The following TRIM8 variants were observed in gnomAD, a reference collection of about 807,000 sequenced individuals.
TRIM8 encodes the protein E3 ubiquitin-protein ligase TRIM8.
TRIM8 carries 9 observed loss-of-function variants against 55.7 expected under a neutral mutation model. That is an observed-to-expected ratio of 0.16 (90% CI 0.10 to 0.28). The LOEUF (loss-of-function observed/expected upper bound fraction) is 0.28. Ranked by LOEUF, TRIM8 falls within the 10% of genes least tolerant of loss-of-function variation. The pLI is 1.00. For synonymous variants in TRIM8, 335 were observed against 333.3 expected (o/e 1.01, Z -0.06); for missense variants, 556 against 736.4 (o/e 0.76, Z 2.83).
chr10:102,647,583 C>T (rs572710262), intron 1 of TRIM8, among the ~76,000 whole-genome samples: 21 of 152,204 alleles, frequency 1.4e-4, no homozygotes, highest in African/African-American at 4.8e-4. Context: ...ACCCTCTGCA[C>T]TCTCTGTAGG....
At chr10:102,646,755 A>G (rs952753618) in intron 1 of TRIM8, among the ~76,000 whole-genome samples, 15 of 152,160 alleles carry the variant, frequency 9.9e-5, no homozygotes, top group African/African-American at 3.4e-4. Flanking sequence ...GGGCTGGGGG[A>G]GGAGGCCGGG....
intron 1 of TRIM8, among the ~76,000 whole-genome samples, chr10:102,652,929 G>A (rs2063996504): frequency 6.6e-6 from 1 of 151,686 alleles, no homozygotes; most frequent in South Asian, 2.1e-4. Flanking sequence ...TCAGCCTCCT[G>A]AGTAGTTGCG....
chr10:102,648,882 C>T (rs937159842), intron 1 of TRIM8, among the ~76,000 whole-genome samples: 27 of 152,224 alleles, frequency 1.8e-4, no homozygotes, highest in Non-Finnish European at 2.5e-4. Context: ...TGGCTTTCTC[C>T]GTTGCCCGTG....
Position 102,654,773 on chromosome 10 carries a change from C to T in TRIM8, c.666+25C>T, listed in dbSNP as rs777723250. The T allele has an allele frequency of 6.7e-5, 106 of 1,575,436 alleles. 1 individual carries two copies. The South Asian group carries it at 8.4e-4, about 13-fold the overall frequency. On this transcript the variant is annotated intron_variant, in intron 2 of 5. Transcript: ENST00000643721. Reference sequence around the variant, plus strand: ...GGTAGCTAAGCCCAAGGCCATGCTGCGGGGTGGGGGTGGCTTGAGCGCAGG... The same window carrying T: ...GGTAGCTAAGCCCAAGGCCATGCTGTGGGGTGGGGGTGGCTTGAGCGCAGG...
At position 102,658,091 on chromosome 10, in the gene TRIM8, TAAAA is replaced by T. The variant is rs893066046; in HGVS notation, c.*738_*741del. The T allele has an allele frequency of 1.3e-5, 2 of 151,694 alleles. No individual in the cohort carries two copies. Among genetic ancestry groups the T allele is most frequent in the African/African-American group, 2.4e-5 (1 of 41,298 alleles). The allele number at this position is 151,694 out of a possible 1,614,324, so 9.4% of individuals were successfully genotyped here. ...TAATATTAATAATAATAAAGAGAAA[TAAAA>T]TAATAAAATAAAAAACAATAGCACA... On this transcript the variant is annotated 3_prime_UTR_variant, in exon 6 of 6. Transcript: ENST00000643721.
chr10:102,654,289 T>G (rs895408938), intron 1 of TRIM8: 3 of 174,922 alleles, frequency 1.7e-5, no homozygotes, highest in Non-Finnish European at 3.7e-5. Flanking sequence ...ACAAAAAAAT[T>G]AGCTGGGCGT....
At position 102,657,281 on chromosome 10, in the gene TRIM8, C is replaced by T. The variant is rs1564722841; in HGVS notation, c.1583C>T (p.Ser528Phe). The change falls in exon 6 of 6, where the codon TCC becomes TTC. Residue 528 changes from serine (S) to phenylalanine (F), a missense_variant. By Grantham distance (155) the Ser-to-Phe change is radical (BLOSUM62 -2). Transcript: ENST00000643721. The stretch of plus-strand genomic sequence containing the variant: ...GCGGTCAGAGACTGGCTTGACGCCT[C>T]CCAGCAGCCCGGCCACCAGGATTTC... ...SLAVRDWLDA[S>F]QQPGHQDFYR... 6.2e-7 allele frequency: 1 copy of T among 1,613,636 alleles called. No homozygotes were observed. The highest frequency in any genetic ancestry group is 1.1e-5 in the South Asian group (1 of 90,984).
In TRIM8 at chr10:102,657,467, C is replaced by G; in HGVS notation, c.*113C>G. 6.2e-6 allele frequency: 8 copies of G among 1,289,568 alleles called. No individual in the cohort carries two copies. The highest frequency in any genetic ancestry group is 8.4e-6 in the Non-Finnish European group (8 of 953,244). The allele number at this position is 1,289,568 out of a possible 1,614,324, so 79.9% of individuals were successfully genotyped here. A position where few individuals can be genotyped will look rare whatever the true frequency, so the allele number is the denominator to read the frequency against. On this transcript the variant is annotated 3_prime_UTR_variant, in exon 6 of 6. Coordinates refer to ENST00000643721, the MANE Select transcript of TRIM8 (RefSeq NM_030912.3). ...TTCCTCGCCTCCCCTCTTCCTCATT[C>G]CATTGCCCCAGGTCTTTTCCTTTTG...
intron 1 of TRIM8, among the ~76,000 whole-genome samples, chr10:102,646,725 T>G (rs2063938795): frequency 1.3e-5 from 2 of 152,070 alleles, no homozygotes; most frequent in South Asian, 4.1e-4. Context: ...GGGAAGCTGC[T>G]GCTATTAATA....
intron 1 of TRIM8, 54 bp from the exon 2 acceptor site, chr10:102,654,599 G>A (rs950297360): frequency 7.4e-7 from 1 of 1,359,540 alleles, no homozygotes; most frequent in Non-Finnish European, 1.1e-6. Context: ...GGGAAGCATG[G>A]GTCAGGGTTG....
intron 1 of TRIM8, chr10:102,653,837 C>G (rs1244093270): frequency 6.6e-6 from 1 of 152,196 alleles, no homozygotes; most frequent in Admixed American, 6.5e-5. Flanking sequence ...GGGAATTTGA[C>G]CCCCTGCATC....
At chr10:102,648,821 G>A (rs1291537867) in intron 1 of TRIM8, among the ~76,000 whole-genome samples, 2 of 152,128 alleles carry the variant, frequency 1.3e-5, no homozygotes, top group Admixed American at 1.3e-4. Context: ...TGACGGTCAT[G>A]TGGCCCCTTC....
Position 102,655,110 on chromosome 10 carries a change from C to A in TRIM8, c.697C>A (p.Arg233=). 6.2e-7 allele frequency: 1 copy of A among 1,612,794 alleles called. No homozygotes were observed. The highest frequency in any genetic ancestry group is 1.1e-5 in the South Asian group (1 of 91,018). ...AGTGAACCAACTGAAGGAGGAAGTT[C>A]GGCTGCAGTACGAGAAGCTGCACCA... ...EKVNQLKEEV[R]LQYEKLHQLL... The change falls in exon 3 of 6, where the codon CGG becomes AGG. Residue 233 remains arginine, a synonymous_variant. Transcript: ENST00000643721.
At position 102,657,162 on chromosome 10, in the gene TRIM8, C is replaced by T; in HGVS notation, c.1464C>T (p.Pro488=). Reference sequence around the variant, plus strand: ...ACCATGGCGGCCACCAGCCCTACCCCCGCTCCGGCCACTTTCCCTGGACAG... The same window carrying T: ...ACCATGGCGGCCACCAGCCCTACCCTCGCTCCGGCCACTTTCCCTGGACAG... The part of the protein sequence containing the change: ...VANHGGHQPY[P]RSGHFPWTVP... The change falls in exon 6 of 6, where the codon CCC becomes CCT. Residue 488 remains proline, a synonymous_variant. Coordinates refer to ENST00000643721, the MANE Select transcript of TRIM8 (RefSeq NM_030912.3). The T allele has an allele frequency of 6.2e-7, 1 of 1,613,896 alleles. No individual in the cohort carries two copies. Among genetic ancestry groups the T allele is most frequent in the African/African-American group, 1.3e-5 (1 of 75,054 alleles).
Position 102,654,673 on chromosome 10 carries a change from G to A in TRIM8, c.591G>A (p.Gln197=), listed in dbSNP as rs1353765373. The A allele has an allele frequency of 6.2e-7, 1 of 1,614,046 alleles. No homozygotes were observed. Among genetic ancestry groups the A allele is most frequent in the African/African-American group, 1.3e-5 (1 of 74,926 alleles). The part of the protein sequence containing the change: ...NEIRKMLMKQ[Q]DRLEEREQDI... ...TGCAGAAGATGCTCATGAAGCAGCA[G>A]GACCGGCTGGAGGAGCGAGAGCAGG... The change falls in exon 2 of 6, where the codon CAG becomes CAA. Residue 197 remains glutamine, a synonymous_variant. Coordinates refer to ENST00000643721, the MANE Select transcript of TRIM8 (RefSeq NM_030912.3).
intron 1 of TRIM8, chr10:102,645,656 A>G (rs2063928519): frequency 6.5e-6 from 1 of 153,304 alleles, no homozygotes; most frequent in South Asian, 1.9e-4. Context: ...AAAAGCAGCC[A>G]TGTTAGTTTT....
intron 1 of TRIM8, among the ~76,000 whole-genome samples, chr10:102,646,326 G>C (rs1256486149): frequency 6.6e-6 from 1 of 152,158 alleles, no homozygotes; most frequent in Non-Finnish European, 1.5e-5. Flanking sequence ...TGGGGGCTAG[G>C]CTGCACTCTG....
chr10:102,656,251 C>A lies in TRIM8; in HGVS notation c.933-19C>A, dbSNP rs1248152623. On this transcript the variant is annotated intron_variant, in intron 4 of 5. Coordinates refer to ENST00000643721, the MANE Select transcript of TRIM8 (RefSeq NM_030912.3). This position sits in a 1 kb window ranked among gnomAD's most constrained non-coding sequence, Gnocchi z 4.6. ...CGGTGATGCCTCCTCACAGCAGATG[C>A]CCCGTCCACTGCCCCCAGGACCCAG... 1 of 1,613,964 alleles carries A rather than the reference C, an allele frequency of 6.2e-7. No homozygotes were observed. Among genetic ancestry groups the A allele is most frequent in the Admixed American group, 1.7e-5 (1 of 60,002 alleles).
In TRIM8 at chr10:102,656,902, G is replaced by T. The variant is rs1221965455; in HGVS notation, c.1204G>T (p.Ala402Ser). The change falls in exon 6 of 6, where the codon GCG becomes TCG. Residue 402 changes from alanine to serine, a missense_variant. Ala to Ser is a moderately conservative substitution (Grantham distance 99). This residue lies in a region of TRIM8 where 391 missense variants were observed against 441.0 expected (regional missense o/e 0.89). Coordinates refer to ENST00000643721, the MANE Select transcript of TRIM8 (RefSeq NM_030912.3). The surrounding 1 kb of genome is among the most constrained non-coding windows in gnomAD (Gnocchi z 4.6). ...SSGPVGGQYG[A>S]AGTASGEGQS... is the part of the protein sequence containing the mutation. Reference sequence around the variant, plus strand: ...GGGCCCTGTGGGCGGCCAGTACGGGGCGGCGGGCACAGCCAGCGGTGAGGG... The same window carrying T: ...GGGCCCTGTGGGCGGCCAGTACGGGTCGGCGGGCACAGCCAGCGGTGAGGG... 6.3e-7 allele frequency: 1 copy of T among 1,596,138 alleles called. No homozygotes were observed.
Sources: allele counts gnomAD v4.1 joint callset (sites outside exome capture counted in the v4.1 genomes callset), GRCh38; gene constraint gnomAD v4.1.1; regional missense constraint gnomAD v4.1.1; non-coding constraint Gnocchi (gnomAD v3.1); transcripts MANE v1.5; gene names NCBI Gene and HGNC (gene_info 2026-07-23, HGNC 2026-07-21).